CCDC63: variants seen among roughly 807,000 people sequenced by gnomAD.
The protein encoded by CCDC63 is coiled-coil domain-containing protein 63.
CCDC63 carries 54 observed loss-of-function variants against 63.6 expected under a neutral mutation model. The ratio of observed to expected loss-of-function variants is 0.85; its 90% confidence interval spans 0.68 to 1.07. The LOEUF (loss-of-function observed/expected upper bound fraction) is 1.07, where lower values mean the gene tolerates loss of function less well. CCDC63 is among the 50% of genes least tolerant of loss of function. The probability of loss-of-function intolerance (pLI) is 0.00; values close to 1 mark genes in which losing one functional copy is unlikely to be tolerated. For synonymous variants in CCDC63, 253 were observed against 266.1 expected (o/e 0.95, Z 0.48); for missense variants, 637 against 689.6 (o/e 0.92, Z 0.86).
chr12:110,901,976 G>A (rs763280151), intron 10 of CCDC63, among the ~76,000 whole-genome samples: 8 of 151,848 alleles, frequency 5.3e-5, no homozygotes, highest in Non-Finnish European at 1.0e-4. Context: ...GATTATAGGC[G>A]CCCACCACCA....
intron 1 of CCDC63, among the ~76,000 whole-genome samples, chr12:110,848,168 G>A (rs538543665): frequency 2.0e-5 from 3 of 152,368 alleles, no homozygotes; most frequent in African/African-American, 7.2e-5. Context: ...TTGTGGGGAG[G>A]GGAGCTTAGC....
chr12:110,874,552 G>A (rs1298849802), intron 5 of CCDC63, among the ~76,000 whole-genome samples: 1 of 152,224 alleles, frequency 6.6e-6, no homozygotes, highest in Admixed American at 6.5e-5. Flanking sequence ...GGATCCAGGT[G>A]CTCCATACAT....
intron 6 of CCDC63, 85 bp from the exon 7 acceptor site, chr12:110,881,030 G>A (rs2071200032): frequency 5.7e-6 from 7 of 1,227,426 alleles, no homozygotes; most frequent in African/African-American, 1.6e-5. Context: ...CATTCTCTAG[G>A]CAGGAAGGCC....
intron 4 of CCDC63, among the ~76,000 whole-genome samples, chr12:110,862,976 G>A (rs139957702): frequency 0.022 from 3,307 of 152,094 alleles, 131 homozygotes; most frequent in African/African-American, 0.075. Flanking sequence ...GGCTGGTCTC[G>A]AACCCCTGAC....
In CCDC63 at chr12:110,899,010, A is replaced by G. The variant is rs757113598; in HGVS notation, c.1227A>G (p.Leu409=). ...KYGEVSKTLD[L]LKNSVEKLFK... The stretch of plus-strand genomic sequence containing the variant: ...GGGAGGTCAGCAAGACCTTGGATCT[A>G]TTGAAGAACTCAGTGGAGAAACTGT... The change falls in exon 10 of 12, where the codon CTA becomes CTG. Residue 409 remains leucine, a synonymous_variant. Coordinates refer to ENST00000308208, the MANE Select transcript of CCDC63 (RefSeq NM_152591.3). 6 of 1,613,790 alleles carry G rather than the reference A, an allele frequency of 3.7e-6. No homozygotes were observed. The highest frequency in any genetic ancestry group is 3.3e-5 in the South Asian group (3 of 90,990).
intron 5 of CCDC63, among the ~76,000 whole-genome samples, chr12:110,875,129 A>G (rs1233865164): frequency 6.6e-6 from 1 of 152,140 alleles, no homozygotes; most frequent in Non-Finnish European, 1.5e-5. Flanking sequence ...TGCCTCCCCA[A>G]GTTGCTGCTG....
intron 5 of CCDC63, among the ~76,000 whole-genome samples, chr12:110,878,860 A>C (rs2071164787): frequency 6.6e-6 from 1 of 152,206 alleles, no homozygotes; most frequent in East Asian, 1.9e-4. Flanking sequence ...TCCCATGAAC[A>C]GTGTAACCAA....
chr12:110,847,542 G>A (rs1202387466), intron 1 of CCDC63, among the ~76,000 whole-genome samples: 3 of 147,784 alleles, frequency 2.0e-5, no homozygotes, highest in Non-Finnish European at 4.4e-5. Context: ...GTGACAGAGA[G>A]AGAGAGAGAC....
At chr12:110,868,100 C>T (rs1435425773) in intron 4 of CCDC63, among the ~76,000 whole-genome samples, 8 of 149,566 alleles carry the variant, frequency 5.3e-5, no homozygotes, top group Admixed American at 1.3e-4. Context: ...GATGGGGCGG[C>T]GGGGCAGAGG....
Position 110,899,206 on chromosome 12 carries a change from T to C in CCDC63, c.1342+81T>C, listed in dbSNP as rs954025407. The C allele has an allele frequency of 2.1e-5, 28 of 1,303,206 alleles. No homozygotes were observed. The South Asian group carries it at 3.7e-4, about 17-fold the overall frequency. The allele number at this position is 1,303,206 out of a possible 1,614,324, so 80.7% of individuals were successfully genotyped here. ...GACTGAGCATAAGGCCTTGCTCTTATGGAGTAGTGAGCTTTGTGGCAAAGT... is the reference window on the plus strand; with the variant it reads ...GACTGAGCATAAGGCCTTGCTCTTACGGAGTAGTGAGCTTTGTGGCAAAGT... On this transcript the variant is annotated intron_variant, in intron 10 of 11. Transcript: ENST00000308208.
chr12:110,906,369 A>G (rs1215479872), intron 11 of CCDC63, among the ~76,000 whole-genome samples: 1 of 149,148 alleles, frequency 6.7e-6, no homozygotes, highest in Non-Finnish European at 1.5e-5. Flanking sequence ...GAGAAAGGGA[A>G]GGAGGAAGGT....
chr12:110,869,259 C>T (rs567838645), intron 4 of CCDC63, among the ~76,000 whole-genome samples: 1 of 152,300 alleles, frequency 6.6e-6, no homozygotes, highest in East Asian at 1.9e-4. Context: ...AGGAACTGAG[C>T]TTTAGACTAT....
At chr12:110,848,860 A>G (rs930415114) in intron 1 of CCDC63, among the ~76,000 whole-genome samples, 6 of 152,206 alleles carry the variant, frequency 3.9e-5, no homozygotes, top group African/African-American at 1.4e-4. Context: ...GCCCTGGAAC[A>G]TAGAACAGCT....
chr12:110,866,774 G>A (rs1203122320), intron 4 of CCDC63, among the ~76,000 whole-genome samples: 17 of 143,386 alleles, frequency 1.2e-4, no homozygotes, highest in Non-Finnish European at 2.5e-4. Context: ...CACCTTTCCC[G>A]CCTTTCTATT....
chr12:110,861,934 C>T (rs768732362), intron 4 of CCDC63, among the ~76,000 whole-genome samples: 5 of 152,128 alleles, frequency 3.3e-5, no homozygotes, highest in African/African-American at 1.2e-4. Flanking sequence ...CCCTACTGTG[C>T]GTGCCCGAAA....
rs770614366 is a variant in CCDC63, at chr12:110,884,000, T to C, written c.854-30T>C. 12 of 1,557,058 alleles carry C rather than the reference T, an allele frequency of 7.7e-6. No individual in the cohort carries two copies. The South Asian group carries it at 1.2e-4, about 16-fold the overall frequency. On this transcript the variant is annotated intron_variant, in intron 7 of 11. Transcript: ENST00000308208. ...CGGATCTGAGGAGCTTCCTTTTGAG[T>C]GTCACAGTGGCTGATTTTTCCTTTC...
chr12:110,892,491 G>A (rs2071369192), intron 8 of CCDC63, among the ~76,000 whole-genome samples: 1 of 152,170 alleles, frequency 6.6e-6, no homozygotes, highest in African/African-American at 2.4e-5. Context: ...GCACCATGTG[G>A]CTAGTGACTA....
chr12:110,884,048 A>G lies in CCDC63; in HGVS notation c.872A>G (p.His291Arg), dbSNP rs1314541879. ...TTCCTAGCTCTCAAGGCAAAGAAGC[A>G]TGTCAAGAAGAACAGGGGAGAGAGT... is the stretch of plus-strand genomic sequence containing the variant. ...KREEALKAKKHVKKNRGESFE... is the reference protein window; with the variant it reads ...KREEALKAKKRVKKNRGESFE... Residue 291 changes from histidine to arginine, a missense_variant, in exon 8 of 12, where the codon CAT becomes CGT. Coordinates refer to ENST00000308208, the MANE Select transcript of CCDC63 (RefSeq NM_152591.3). The G allele has an allele frequency of 1.9e-6, 3 of 1,613,958 alleles. No homozygotes were observed. The highest frequency in any genetic ancestry group is 1.7e-4 in the Middle Eastern group (1 of 6,058).
At chr12:110,874,997 G>A (rs1031518505) in intron 5 of CCDC63, among the ~76,000 whole-genome samples, 1 of 152,198 alleles carries the variant, frequency 6.6e-6, no homozygotes, top group Non-Finnish European at 1.5e-5. Context: ...GAGAGAGAAA[G>A]TGAATGGATT....
Sources: gnomAD v4.1 joint callset for allele counts (sites outside exome capture counted in the v4.1 genomes callset) on GRCh38, gnomAD v4.1.1 for gene constraint, MANE v1.5 for transcripts, NCBI Gene and HGNC (gene_info 2026-07-23, HGNC 2026-07-21) for gene names.